The following R3HCC1 variants were observed in gnomAD, a reference collection of about 807,000 sequenced individuals.
R3HCC1 encodes R3H and coiled-coil domain-containing protein 1.
R3HCC1 carries 32 observed loss-of-function variants against 40.0 expected under a neutral mutation model. The observed-to-expected ratio is 0.80, with a 90% CI of 0.60 to 1.07. The LOEUF is 1.07. R3HCC1 is among the 50% of genes least tolerant of loss of function. The probability of loss-of-function intolerance (pLI) is 0.00; values close to 1 mark genes in which losing one functional copy is unlikely to be tolerated. For synonymous variants in R3HCC1, 237 were observed against 232.8 expected, an observed-to-expected ratio of 1.02 and a Z score of -0.17; for missense variants, 586 against 563.3, an observed-to-expected ratio of 1.04 and a Z score of -0.41.
intron 7 of R3HCC1, chr8:23,295,348 T>C (rs1802981401): frequency 5.0e-6 from 2 of 397,018 alleles, no homozygotes; most frequent in South Asian, 1.8e-5. Flanking sequence ...AAGCAGACTC[T>C]TCAGTCTGAA....
intron 1 of R3HCC1, 142 bp downstream of exon 1, chr8:23,288,299 G>C: frequency 9.0e-7 from 1 of 1,107,314 alleles, no homozygotes; most frequent in Non-Finnish European, 1.2e-6. Flanking sequence ...CTCAGCATCC[G>C]ACCGCAGGCG....
At chr8:23,294,955 TG>T (rs1476473990) in intron 7 of R3HCC1, 91 bp downstream of exon 7, 1 of 970,236 alleles carries the variant, frequency 1.0e-6, no homozygotes, top group African/African-American at 1.6e-5. Context: ...GTGTCTGGTT[TG>T]GGCAGGGTCT....
Position 23,288,527 on chromosome 8 carries a change from G to A in R3HCC1, c.4G>A (p.Ala2Thr). The A allele has an allele frequency of 6.5e-7, 1 of 1,535,994 alleles. No individual in the cohort carries two copies. Among genetic ancestry groups the A allele is most frequent in the Admixed American group, 2.0e-5 (1 of 50,988 alleles). Residue 2 changes from alanine (A) to threonine (T), a missense_variant, in exon 2 of 8, where the codon GCC (alanine) becomes ACC (threonine). Transcript: ENST00000265806. The stretch of plus-strand genomic sequence containing the variant: ...ACAGGCTCTCCCACCTGTCACCCTG[G>A]CCCTTCTCTGCTTGGATGGTGTCTT...
intron 7 of R3HCC1, chr8:23,295,328 TCTG>T: frequency 2.7e-6 from 1 of 373,120 alleles, no homozygotes; most frequent in South Asian, 2.0e-5. Flanking sequence ...GGTTTCTTCT[TCTG>T]TAAAATAAGC....
rs1347561303 is a variant in R3HCC1 at position 23,296,272 on chromosome 8, T to C, written c.*175T>C. On this transcript the variant is annotated 3_prime_UTR_variant, in exon 8 of 8. Coordinates refer to ENST00000265806, the MANE Select transcript of R3HCC1 (RefSeq NM_001136108.3). Reference sequence around the variant, plus strand: ...GAAAAAATAAAAACTCACGTTGTTCTAATGTGATCACTTTGAAATGTGGTC... The same window carrying C: ...GAAAAAATAAAAACTCACGTTGTTCCAATGTGATCACTTTGAAATGTGGTC... The C allele has an allele frequency of 1.4e-6, 1 of 738,188 alleles. No homozygotes were observed. Among genetic ancestry groups the C allele is most frequent in the Non-Finnish European group, 2.0e-6 (1 of 491,888 alleles). 45.7% of individuals were successfully genotyped at this position (738,188 alleles called of 1,614,324 possible).
chr8:23,288,633 A>T lies in R3HCC1; in HGVS notation c.110A>T (p.Lys37Met). The T allele has an allele frequency of 6.5e-7, 1 of 1,535,936 alleles. No homozygotes were observed. The highest frequency in any genetic ancestry group is 8.7e-7 in the Non-Finnish European group (1 of 1,146,794). Reference sequence around the variant, plus strand: ...TTTCTGCTGCAGAAGCAGCTGTCAAAGTAGGCTCATGTGAGGGGCGAGGGT... The same window carrying T: ...TTTCTGCTGCAGAAGCAGCTGTCAATGTAGGCTCATGTGAGGGGCGAGGGT... Residue 37 changes from lysine (K) to methionine (M), a missense_variant and splice_region_variant, in exon 2 of 8, where the codon AAG becomes ATG. Coordinates refer to ENST00000265806, the MANE Select transcript of R3HCC1 (RefSeq NM_001136108.3).
intron 5 of R3HCC1, among the ~76,000 whole-genome samples, chr8:23,291,894 C>T (rs1442250424): frequency 6.6e-6 from 1 of 152,186 alleles, no homozygotes; most frequent in East Asian, 1.9e-4. Context: ...CTCCAGCAGG[C>T]TACGGGCCAG....
chr8:23,289,853 A>T lies in R3HCC1; in HGVS notation c.249-13A>T, dbSNP rs1442586639. 2.0e-6 allele frequency: 3 copies of T among 1,490,082 alleles called. No homozygotes were observed. Among genetic ancestry groups the T allele is most frequent in the Admixed American group, 4.4e-5 (2 of 45,116 alleles). 92.3% of individuals were successfully genotyped at this position (1,490,082 alleles called of 1,614,324 possible). A position where few individuals can be genotyped will look rare whatever the true frequency, so the allele number is the denominator to read the frequency against. On this transcript the variant is annotated splice_polypyrimidine_tract_variant and intron_variant, in intron 3 of 7. Transcript: ENST00000265806. Reference sequence around the variant, plus strand: ...CTACACACTCTGATTACCTCCTCCCATTCCTGCTCCAGGGTACCCAGTTCG... The same window carrying T: ...CTACACACTCTGATTACCTCCTCCCTTTCCTGCTCCAGGGTACCCAGTTCG...
chr8:23,290,500 G>A, intron 4 of R3HCC1, 31 bp downstream of exon 4: 1 of 1,527,098 alleles, frequency 6.5e-7, no homozygotes, highest in Non-Finnish European at 8.8e-7. Flanking sequence ...GAAAAGGGAG[G>A]GCGGAGGTGA....
At chr8:23,291,333 C>G in intron 4 of R3HCC1, 28 bp from the exon 5 acceptor site, 1 of 1,539,852 alleles carries the variant, frequency 6.5e-7, no homozygotes, top group Non-Finnish European at 8.8e-7. Context: ...GTCCAAGCTC[C>G]CCTTGCTAAG....
At chr8:23,294,970 CCT>C (rs1210354358) in intron 7 of R3HCC1, 106 bp downstream of exon 7, 31 of 852,396 alleles carry the variant, frequency 3.6e-5, no homozygotes, top group South Asian at 1.8e-4. Context: ...AGGGTCTTCC[CCT>C]CTGTTAATTC....
Position 23,289,011 on chromosome 8 carries a change from C to T in R3HCC1, c.111-5C>T. The T allele has an allele frequency of 2.6e-6, 4 of 1,536,514 alleles. No homozygotes were observed. Among genetic ancestry groups the T allele is most frequent in the Non-Finnish European group, 3.5e-6 (4 of 1,146,960 alleles). ...TGCTCAGCACTTCTTCCCCTCCCTC[C>T]CCAGGGTTCTTCTTTTCCCCCCACT... On this transcript the variant is annotated splice_region_variant and splice_polypyrimidine_tract_variant and intron_variant, in intron 2 of 7. Coordinates refer to ENST00000265806, the MANE Select transcript of R3HCC1 (RefSeq NM_001136108.3).
At chr8:23,288,434 C>CCGG in intron 1 of R3HCC1, 72 bp from the exon 2 acceptor site, 2 of 1,516,794 alleles carry the variant, frequency 1.3e-6, no homozygotes, top group South Asian at 2.4e-5. Context: ...CCTTTCGGTG[C>CCGG]CGGCGTTGCG....
In R3HCC1 at chr8:23,296,258, A is replaced by G; in HGVS notation, c.*161A>G. On this transcript the variant is annotated 3_prime_UTR_variant, in exon 8 of 8. Transcript: ENST00000265806. ...GTCCCAGAAATGGAGAAAAAATAAA[A>G]ACTCACGTTGTTCTAATGTGATCAC... 1 of 860,398 alleles carries G rather than the reference A, an allele frequency of 1.2e-6. No homozygotes were observed. The highest frequency in any genetic ancestry group is 1.7e-6 in the Non-Finnish European group (1 of 591,748). 53.3% of individuals were successfully genotyped at this position (860,398 alleles called of 1,614,324 possible). A position where few individuals can be genotyped will look rare whatever the true frequency, so the allele number is the denominator to read the frequency against.
intron 7 of R3HCC1, among the ~76,000 whole-genome samples, chr8:23,295,098 G>T (rs1036085782): frequency 1.3e-5 from 2 of 152,160 alleles, no homozygotes. Flanking sequence ...CCCTTGGGGA[G>T]TGGCGTCTGC....
At chr8:23,293,230 G>C (rs1690490779) in intron 5 of R3HCC1, 73 bp from the exon 6 acceptor site, 5 of 1,284,116 alleles carry the variant, frequency 3.9e-6, no homozygotes, top group Non-Finnish European at 5.5e-6. Context: ...GCGAGGGGGT[G>C]TGGCTGCGGG....
intron 6 of R3HCC1, 150 bp downstream of exon 6, chr8:23,293,523 G>C: frequency 1.6e-6 from 1 of 622,958 alleles, no homozygotes; most frequent in Non-Finnish European, 2.8e-6. Flanking sequence ...TAAAACCCAG[G>C]GGGAGCTGAG....
chr8:23,295,854 C>T (rs1242065612), intron 7 of R3HCC1, 113 bp from the exon 8 acceptor site: 5 of 1,386,170 alleles, frequency 3.6e-6, no homozygotes, highest in Non-Finnish European at 4.8e-6. Context: ...GCCGAGGCCC[C>T]ACATGTGTCA....
intron 3 of R3HCC1, 148 bp downstream of exon 3, chr8:23,289,301 C>A (rs1802808706): frequency 1.1e-6 from 1 of 882,706 alleles, no homozygotes; most frequent in Non-Finnish European, 1.7e-6. Flanking sequence ...TCAGCCAGGG[C>A]TGCCTTTTGC....
Sources: allele counts gnomAD v4.1 joint callset (sites outside exome capture counted in the v4.1 genomes callset), GRCh38; gene constraint gnomAD v4.1.1; transcripts MANE v1.5; gene names NCBI Gene and HGNC (gene_info 2026-07-23, HGNC 2026-07-21).